The following PDE9A variants were observed in gnomAD, a reference collection of about 807,000 sequenced individuals.
PDE9A encodes phosphodiesterase 9A.
A neutral mutation model predicts 87.4 loss-of-function variants in PDE9A; 60 were observed. That is an observed-to-expected ratio of 0.69 (90% confidence interval 0.56 to 0.85). PDE9A has a LOEUF of 0.85. Among genes scored for constraint, PDE9A ranks in the 40% least tolerant of loss-of-function variants. The pLI is 0.00. For missense variants in PDE9A, 665 were observed against 779.0 expected, an observed-to-expected ratio of 0.85 and a Z score of 1.74; for synonymous variants, 272 against 279.4, an observed-to-expected ratio of 0.97 and a Z score of 0.27.
intron 18 of PDE9A, among the ~76,000 whole-genome samples, chr21:42,772,022 G>T (rs1054556820): frequency 2.6e-5 from 4 of 152,144 alleles, no homozygotes; most frequent in African/African-American, 4.8e-5. Flanking sequence ...CCATAGCCCT[G>T]ATGGCCTTGA....
chr21:42,692,590 C>G lies in PDE9A; in HGVS notation c.218+4596C>G, dbSNP rs973200563. 6.6e-6 allele frequency among the ~76,000 whole-genome samples: 1 copy of G among 152,062 alleles called. No individual in the cohort carries two copies. Among genetic ancestry groups the G allele is most frequent in the African/African-American group, 2.4e-5 (1 of 41,420 alleles). ...TCTCTGGTTTGTGACGGAGGTGGGC[C>G]CCGAGAATCTTTCTGCAGCAGAAAG... On this transcript the variant is annotated intron_variant, in intron 3 of 19. Coordinates refer to ENST00000291539, the MANE Select transcript of PDE9A (RefSeq NM_002606.3). The surrounding 1 kb of genome is among the most constrained non-coding windows in gnomAD (Gnocchi z 4.3).
chr21:42,663,976 G>A (rs1194304621), intron 1 of PDE9A, among the ~76,000 whole-genome samples: 2 of 152,188 alleles, frequency 1.3e-5, no homozygotes, highest in Non-Finnish European at 2.9e-5. Flanking sequence ...TTGTGATTCA[G>A]CCTCAGTCCC....
At chr21:42,708,506 A>G (rs1196995303) in intron 4 of PDE9A, among the ~76,000 whole-genome samples, 1 of 152,128 alleles carries the variant, frequency 6.6e-6, no homozygotes, top group Non-Finnish European at 1.5e-5. Flanking sequence ...GCCTGACTGC[A>G]CTGAAATGCA....
chr21:42,725,934 T>C (rs2050986761), intron 4 of PDE9A, among the ~76,000 whole-genome samples: 1 of 152,228 alleles, frequency 6.6e-6, no homozygotes, highest in African/African-American at 2.4e-5. Context: ...GACTGTACCA[T>C]TTTTCATTCC....
At position 42,680,556 on chromosome 21, in the gene PDE9A, C is replaced by T. The variant is rs144206198; in HGVS notation, c.70-5636C>T. Among the ~76,000 whole-genome samples the T allele has an allele frequency of 1.1e-3, 171 of 152,358 alleles. 4 individuals carry two copies. The East Asian group carries it at 0.021, about 18-fold the overall frequency. On this transcript the variant is annotated intron_variant, in intron 1 of 19. Coordinates refer to ENST00000291539, the MANE Select transcript of PDE9A (RefSeq NM_002606.3). ...GGCTTGGTGGCAAAGCAAGAGGGTACAACCGACCAGAGCCCCGGGTCCCCT... is the reference window on the plus strand; with the variant it reads ...GGCTTGGTGGCAAAGCAAGAGGGTATAACCGACCAGAGCCCCGGGTCCCCT...
intron 8 of PDE9A, among the ~76,000 whole-genome samples, chr21:42,747,064 G>A (rs1221663522): frequency 1.3e-5 from 2 of 152,210 alleles, no homozygotes; most frequent in Non-Finnish European, 2.9e-5. Context: ...CCTGGGCTCT[G>A]GTCTCATCCC....
chr21:42,664,606 G>A (rs2057834253), intron 1 of PDE9A, among the ~76,000 whole-genome samples: 1 of 151,668 alleles, frequency 6.6e-6, no homozygotes, highest in African/African-American at 2.4e-5. Context: ...CAGGAAATTT[G>A]TGCTTCATTT....
chr21:42,769,951 G>A (rs1056569543), intron 17 of PDE9A, among the ~76,000 whole-genome samples: 7 of 152,106 alleles, frequency 4.6e-5, no homozygotes, highest in African/African-American at 1.7e-4. Flanking sequence ...GCCCTGGGGG[G>A]CCCCTCACTG....
chr21:42,763,469 CT>C (rs1347765849), intron 14 of PDE9A, among the ~76,000 whole-genome samples: 1 of 152,198 alleles, frequency 6.6e-6, no homozygotes, highest in African/African-American at 2.4e-5. Flanking sequence ...CAGCCCCAAA[CT>C]AAGGGACTTC....
At chr21:42,698,940 C>T (rs773740436) in intron 3 of PDE9A, 28 bp from the exon 4 acceptor site, 25 of 1,596,014 alleles carry the variant, frequency 1.6e-5, no homozygotes, top group Non-Finnish European at 1.1e-5. Flanking sequence ...TGCAGAGTCT[C>T]ACAGCGGCAC....
At chr21:42,656,353 C>A (rs886794472) in intron 1 of PDE9A, among the ~76,000 whole-genome samples, 1 of 152,244 alleles carries the variant, frequency 6.6e-6, no homozygotes, top group Non-Finnish European at 1.5e-5. Flanking sequence ...GGTTACCTGA[C>A]CCCTGGCCAT....
At chr21:42,731,402 A>G (rs1216016944) in intron 4 of PDE9A, among the ~76,000 whole-genome samples, 2 of 151,974 alleles carry the variant, frequency 1.3e-5, no homozygotes, top group Non-Finnish European at 2.9e-5. Context: ...CCAGGTAGAG[A>G]CCGCTCCCTT....
chr21:42,666,145 G>A (rs932105630), intron 1 of PDE9A, among the ~76,000 whole-genome samples: 1 of 152,182 alleles, frequency 6.6e-6, no homozygotes, highest in Non-Finnish European at 1.5e-5. Context: ...GGCCACAACC[G>A]AGAGGGCGTG....
At chr21:42,682,952 G>C (rs2059248776) in intron 1 of PDE9A, among the ~76,000 whole-genome samples, 1 of 152,200 alleles carries the variant, frequency 6.6e-6, no homozygotes, top group Admixed American at 6.5e-5. Flanking sequence ...TTTGCATTTG[G>C]GGAGGAAGGA....
At position 42,660,335 on chromosome 21, in the gene PDE9A, G is replaced by T. The variant is rs993492657; in HGVS notation, c.69+6452G>T. 2.0e-5 allele frequency among the ~76,000 whole-genome samples: 3 copies of T among 152,222 alleles called. No individual in the cohort carries two copies. Among genetic ancestry groups the T allele is most frequent in the African/African-American group, 7.2e-5 (3 of 41,456 alleles). ...GAGCTCAGGATCCCTCCAGCTTCCA[G>T]GAGCAGGTGCGGGGCCTGCAGGGAC... On this transcript the variant is annotated intron_variant, in intron 1 of 19. Transcript: ENST00000291539. This position sits in a 1 kb window ranked among gnomAD's most constrained non-coding sequence, Gnocchi z 4.7.
chr21:42,773,954 A>G (rs896170937), intron 19 of PDE9A, among the ~76,000 whole-genome samples: 1 of 150,512 alleles, frequency 6.6e-6, no homozygotes, highest in African/African-American at 2.5e-5. Flanking sequence ...ATACAAAAAA[A>G]ATTAGCCGGG....
At chr21:42,700,896 G>A (rs370598158) in intron 4 of PDE9A, 3 of 152,184 alleles carry the variant, frequency 2.0e-5, no homozygotes, top group South Asian at 4.2e-4. Context: ...TTGAAATCAG[G>A]TACTCTAAGT....
At chr21:42,740,875 C>T (rs1253339586) in intron 7 of PDE9A, among the ~76,000 whole-genome samples, 2 of 152,112 alleles carry the variant, frequency 1.3e-5, no homozygotes, top group African/African-American at 4.8e-5. Context: ...ATAATATTAA[C>T]TGAGTTGTTT....
rs1569228478 is a variant in PDE9A, at chr21:42,740,629, GGATAC to G, written c.569-3146_569-3142del. Among the ~76,000 whole-genome samples, 5 of 54,128 alleles carry G rather than the reference GGATAC, an allele frequency of 9.2e-5. 1 individual carries two copies. Among genetic ancestry groups the G allele is most frequent in the African/African-American group, 2.4e-4 (4 of 16,502 alleles). 35.5% of individuals were successfully genotyped at this position (54,128 alleles called of 152,430 possible). A position where few individuals can be genotyped will look rare whatever the true frequency, so the allele number is the denominator to read the frequency against. The stretch of plus-strand genomic sequence containing the variant: ...TGGATGGATGGATGGATGGATGAAT[GGATAC>G]ATAGATGAATGGATGGATAGATAGT... On this transcript the variant is annotated intron_variant, in intron 7 of 19. Coordinates refer to ENST00000291539, the MANE Select transcript of PDE9A (RefSeq NM_002606.3).
Sources: gnomAD v4.1 joint callset for allele counts (sites outside exome capture counted in the v4.1 genomes callset) on GRCh38, gnomAD v4.1.1 for gene constraint, Gnocchi (gnomAD v3.1) non-coding constraint, MANE v1.5 for transcripts, NCBI Gene and HGNC (gene_info 2026-07-23, HGNC 2026-07-21) for gene names.